The following ATXN3 variants were observed in gnomAD, a reference collection of about 807,000 sequenced individuals.
ATXN3 encodes ataxin 3, also known as ataxin-3.
ATXN3 carries 28 observed loss-of-function variants against 58.2 expected under a neutral mutation model. The observed-to-expected ratio is 0.48, with a 90% CI of 0.36 to 0.66. The LOEUF is 0.66. Among genes scored for constraint, ATXN3 ranks in the 30% least tolerant of loss-of-function variants. The pLI, the probability that ATXN3 is intolerant of heterozygous loss-of-function variation, is 0.00. For missense variants in ATXN3, 321 were observed against 422.1 expected (o/e 0.76, Z 2.10); for synonymous variants, 113 against 138.5 (o/e 0.82, Z 1.29).
At chr14:92,085,640 A>G (rs1023869328) in intron 6 of ATXN3, among the ~76,000 whole-genome samples, 2 of 152,190 alleles carry the variant, frequency 1.3e-5, no homozygotes, top group African/African-American at 2.4e-5. Context: ...AGTCACCCTT[A>G]TGGAAATGGA....
At chr14:92,086,828 G>A (rs1399498937) in intron 6 of ATXN3, among the ~76,000 whole-genome samples, 2 of 151,574 alleles carry the variant, frequency 1.3e-5, no homozygotes, top group African/African-American at 4.9e-5. Context: ...AAAAAAGGGG[G>A]GGGGAACTGA....
At chr14:92,106,506 C>T (rs530902537) in intron 1 of ATXN3, 23 bp downstream of exon 1, 2 of 1,613,310 alleles carry the variant, frequency 1.2e-6, no homozygotes, top group East Asian at 4.5e-5. Flanking sequence ...GCAGACAGCT[C>T]CCCACCGAAC....
intron 5 of ATXN3, among the ~76,000 whole-genome samples, chr14:92,089,497 C>G (rs1392943246): frequency 6.6e-6 from 1 of 151,930 alleles, no homozygotes; most frequent in Admixed American, 6.6e-5. Context: ...CGCCGCCACA[C>G]CCAGCTATTT....
At chr14:92,046,911 A>G (rs1039429887) in intron 2 of ATXN3, among the ~76,000 whole-genome samples, 6 of 152,214 alleles carry the variant, frequency 3.9e-5, no homozygotes, top group Non-Finnish European at 8.8e-5. Context: ...GACATCCGAT[A>G]TCCCTTGGAG....
At position 92,045,960 on chromosome 14, in the gene ATXN3, T is replaced by C. The variant is rs138972320; in HGVS notation, n.277-1002A>G. Among the ~76,000 whole-genome samples, 484 of 152,320 alleles carry C rather than the reference T, an allele frequency of 3.2e-3. 4 individuals are homozygous for C. The highest frequency in any genetic ancestry group is 0.011 in the African/African-American group (449 of 41,576). On this transcript the variant is annotated intron_variant and non_coding_transcript_variant, in intron 2 of 2. Coordinates refer to the ATXN3 transcript ENST00000564606. ...CCTGAGCGATGGGATCTGATGCCTT[T>C]TGATGGCCCTTGCAGTGAATGACTC...
At chr14:92,106,474 G>C in intron 1 of ATXN3, 55 bp downstream of exon 1, 1 of 1,609,784 alleles carries the variant, frequency 6.2e-7, no homozygotes, top group East Asian at 2.2e-5. Context: ...GTGATGCCGC[G>C]CTCCACGCCC....
At chr14:92,055,958 C>G (rs578003009), downstream of ATXN3, among the ~76,000 whole-genome samples, 250 of 151,772 alleles carry the variant, frequency 1.6e-3, 2 homozygotes, top group African/African-American at 5.8e-3. The surrounding 1 kb of genome is among the most constrained non-coding windows in gnomAD (Gnocchi z 4.5). Context: ...GAGGCCCTGT[C>G]TCAAAAAAAA....
upstream of ATXN3, among the ~76,000 whole-genome samples, chr14:92,052,146 C>T (rs61988393): frequency 2.0e-3 from 306 of 152,222 alleles, 1 homozygote; most frequent in Non-Finnish European, 3.7e-3. Flanking sequence ...TATTCAGCCT[C>T]CTGGTTCTGC....
At chr14:92,093,381 G>T in intron 4 of ATXN3, 63 bp from the exon 5 acceptor site, 3 of 784,388 alleles carry the variant, frequency 3.8e-6, no homozygotes, top group Non-Finnish European at 6.1e-6. Flanking sequence ...TTGTCTACTG[G>T]CAAATATTAT....
intron 7 of ATXN3, 78 bp from the exon 8 acceptor site, chr14:92,082,544 A>T: frequency 7.5e-7 from 1 of 1,334,518 alleles, no homozygotes; most frequent in Non-Finnish European, 1.0e-6. Flanking sequence ...TGTAATGTAA[A>T]GGCTTTAAGT....
chr14:92,104,517 C>G (rs1596069528), intron 1 of ATXN3, among the ~76,000 whole-genome samples: 1 of 152,162 alleles, frequency 6.6e-6, no homozygotes, highest in South Asian at 2.1e-4. Context: ...AAATGTGTCC[C>G]AACTAGGTAA....
At chr14:92,056,596 C>T (rs997232603), downstream of ATXN3, among the ~76,000 whole-genome samples, 1 of 152,028 alleles carries the variant, frequency 6.6e-6, no homozygotes, top group Non-Finnish European at 1.5e-5. Context: ...TTGTCAGGGG[C>T]TGGGGAAGGG....
At chr14:92,073,708 G>A (rs1205271201) in intron 9 of ATXN3, among the ~76,000 whole-genome samples, 3 of 152,038 alleles carry the variant, frequency 2.0e-5, no homozygotes, top group East Asian at 1.9e-4. Context: ...GTGTGTTGGC[G>A]CACACCTGTA....
chr14:92,070,720 A>G (rs1216595310), intron 10 of ATXN3: 1 of 1,270,020 alleles, frequency 7.9e-7, no homozygotes. Context: ...TGCTGGGATT[A>G]CAGATGTGAG....
chr14:92,096,028 T>C (rs2065148909), intron 3 of ATXN3, 65 bp downstream of exon 3: 1 of 1,295,976 alleles, frequency 7.7e-7, no homozygotes, highest in Non-Finnish European at 1.1e-6. Context: ...ACAGTGACTA[T>C]TGAAAGGCTG....
At chr14:92,050,101 G>A (rs1355840752), upstream of ATXN3, among the ~76,000 whole-genome samples, 3 of 151,980 alleles carry the variant, frequency 2.0e-5, no homozygotes, top group Non-Finnish European at 4.4e-5. Flanking sequence ...GTGATGTGAT[G>A]TCTTGGATGT....
intron 1 of ATXN3, among the ~76,000 whole-genome samples, chr14:92,104,055 GTAGA>G (rs1596061229): frequency 6.6e-6 from 1 of 152,254 alleles, no homozygotes; most frequent in East Asian, 1.9e-4. Context: ...CACATGCTAT[GTAGA>G]TACAAGTTGA....
chr14:92,071,460 G>T, intron 9 of ATXN3: 1 of 350,546 alleles, frequency 2.9e-6, no homozygotes, highest in South Asian at 2.2e-5. Context: ...GCCAGGCGTG[G>T]TGGCAGGCAC....
rs775879957 is a variant in ATXN3 at position 92,071,034 on chromosome 14, G to GC, written c.891_892insG (p.Gln298AlafsTer20). 0.018 allele frequency: 28,950 copies of GC among 1,601,550 alleles called. 1,104 individuals are homozygous for GC. The highest frequency in any genetic ancestry group is 0.089 in the East Asian group (3,977 of 44,702). Reference sequence around the variant, plus strand: ...CCCTGCTGCTGCTGCTGCTGCTGCTGTTGCTGCTTTTGCTGCTGTCTGAAA... The same window carrying GC: ...CCCTGCTGCTGCTGCTGCTGCTGCTGCTTGCTGCTTTTGCTGCTGTCTGAAA... On this transcript the variant is annotated frameshift_variant, in exon 10 of 11. Coordinates refer to ENST00000644486, the MANE Select transcript of ATXN3 (RefSeq NM_004993.6). LOFTEE classifies it high-confidence loss of function.
Sources: gnomAD v4.1 joint callset for allele counts (sites outside exome capture counted in the v4.1 genomes callset) on GRCh38, gnomAD v4.1.1 for gene constraint, Gnocchi (gnomAD v3.1) non-coding constraint, MANE v1.5 for transcripts, NCBI Gene and HGNC (gene_info 2026-07-23, HGNC 2026-07-21) for gene names.